The following PCGF5 variants were observed in gnomAD, a reference collection of about 807,000 sequenced individuals.
PCGF5 encodes the protein polycomb group ring finger 5.
A neutral mutation model predicts 44.3 loss-of-function variants in PCGF5; 9 were observed. The observed-to-expected ratio is 0.20, with a 90% CI of 0.12 to 0.35. The LOEUF (loss-of-function observed/expected upper bound fraction) is 0.35, where lower values mean the gene tolerates loss of function less well. PCGF5 is among the 10% of genes least tolerant of loss of function. The pLI is 1.00. For synonymous variants in PCGF5, 95 were observed against 102.5 expected (o/e 0.93, Z 0.44); for missense variants, 146 against 305.3 (o/e 0.48, Z 3.89).
chr10:91,206,160 C>G (rs1204812643), intron 1 of PCGF5, among the ~76,000 whole-genome samples: 1 of 152,044 alleles, frequency 6.6e-6, no homozygotes, highest in African/African-American at 2.4e-5. Flanking sequence ...TACTATGTGC[C>G]AAAGTCTGTG....
chr10:91,174,692 GTATC>G (rs1843671041), intron 1 of PCGF5, among the ~76,000 whole-genome samples: 2 of 152,292 alleles, frequency 1.3e-5, no homozygotes, highest in South Asian at 2.1e-4. Context: ...AATTGGGAAA[GTATC>G]TTATCTAATC....
chr10:91,195,442 GTATATA>G (rs1844110999), intron 1 of PCGF5, among the ~76,000 whole-genome samples: 1 of 142,728 alleles, frequency 7.0e-6, no homozygotes, highest in African/African-American at 2.8e-5. Context: ...TAAATCATAT[GTATATA>G]TATGCATATA....
chr10:91,235,710 G>C (rs1475219452), intron 2 of PCGF5, among the ~76,000 whole-genome samples: 1 of 152,156 alleles, frequency 6.6e-6, no homozygotes, highest in Non-Finnish European at 1.5e-5. Context: ...TTTCTCAATA[G>C]TGAATAAGTC....
At position 91,229,255 on chromosome 10, in the gene PCGF5, G is replaced by A. The variant is rs144933226; in HGVS notation, c.112+6272G>A. ...GCAATAAATAGAACAGGCATAGTCT[G>A]TGCCCTCCTAGAACTTAACATTCTA... On this transcript the variant is annotated intron_variant, in intron 2 of 9. Coordinates refer to ENST00000336126, the MANE Select transcript of PCGF5 (RefSeq NM_032373.5). Among the ~76,000 whole-genome samples, 974 of 152,286 alleles carry A rather than the reference G, an allele frequency of 6.4e-3. 10 individuals carry two copies. Among genetic ancestry groups the A allele is most frequent in the African/African-American group, 0.022 (914 of 41,564 alleles).
intron 1 of PCGF5, among the ~76,000 whole-genome samples, chr10:91,179,599 G>A (rs3962086): frequency 0.36 from 54,788 of 152,032 alleles, 10,690 homozygotes; most frequent in East Asian, 0.52. Context: ...AACATGTGGC[G>A]TTTGGTATTC....
chr10:91,235,766 C>G (rs1845144197), intron 2 of PCGF5, among the ~76,000 whole-genome samples: 1 of 152,200 alleles, frequency 6.6e-6, no homozygotes, highest in Admixed American at 6.5e-5. Flanking sequence ...CTTGCACAAA[C>G]TCTCTTTTTG....
At chr10:91,238,886 C>T (rs1321427288) in intron 2 of PCGF5, among the ~76,000 whole-genome samples, 1 of 151,788 alleles carries the variant, frequency 6.6e-6, no homozygotes, top group Non-Finnish European at 1.5e-5. Flanking sequence ...TAAGCTTTTT[C>T]TTTTTTTAAG....
At chr10:91,171,949 T>A (rs1843615364) in intron 1 of PCGF5, among the ~76,000 whole-genome samples, 1 of 152,220 alleles carries the variant, frequency 6.6e-6, no homozygotes, top group Non-Finnish European at 1.5e-5. Flanking sequence ...AAAGCTTTTC[T>A]GAGCATTTAT....
upstream of PCGF5, among the ~76,000 whole-genome samples, chr10:91,158,762 G>A (rs1202056186): frequency 6.6e-6 from 1 of 152,116 alleles, no homozygotes; most frequent in African/African-American, 2.4e-5. Context: ...ATCCCCCTAA[G>A]GAACTACTAA....
At chr10:91,240,909 TAGAA>T (rs1207168314) in intron 3 of PCGF5, among the ~76,000 whole-genome samples, 12 of 151,762 alleles carry the variant, frequency 7.9e-5, no homozygotes, top group Admixed American at 3.9e-4. Flanking sequence ...GGAGAACTCA[TAGAA>T]AGACTAATAT....
intron 1 of PCGF5, among the ~76,000 whole-genome samples, chr10:91,200,201 T>G (rs1844224377): frequency 6.6e-6 from 1 of 152,224 alleles, no homozygotes; most frequent in Non-Finnish European, 1.5e-5. Context: ...TCAAGAAGGC[T>G]GCCTTCAGCA....
chr10:91,248,966 G>A (rs1026432435), intron 5 of PCGF5, among the ~76,000 whole-genome samples: 8 of 152,082 alleles, frequency 5.3e-5, no homozygotes, highest in African/African-American at 1.9e-4. Context: ...AAGAGAAAAG[G>A]GAGATAAAAG....
chr10:91,266,557 A>G (rs1846052097), intron 8 of PCGF5, among the ~76,000 whole-genome samples: 1 of 152,170 alleles, frequency 6.6e-6, no homozygotes, highest in Non-Finnish European at 1.5e-5. Context: ...TAAACCAATA[A>G]ACAGAAAAAT....
intron 2 of PCGF5, among the ~76,000 whole-genome samples, chr10:91,239,776 TG>T (rs544259650): frequency 1.5e-3 from 224 of 152,354 alleles, no homozygotes; most frequent in African/African-American, 5.1e-3. Context: ...AAATGTGGGC[TG>T]TATAGGCTTG....
intron 9 of PCGF5, among the ~76,000 whole-genome samples, chr10:91,274,931 C>T (rs1267637492): frequency 1.3e-5 from 2 of 151,980 alleles, no homozygotes; most frequent in Admixed American, 1.3e-4. Context: ...TTCTACCTCA[C>T]ATTTTATATC....
At chr10:91,246,961 A>AGATG (rs1264043318) in intron 3 of PCGF5, among the ~76,000 whole-genome samples, 2 of 126,934 alleles carry the variant, frequency 1.6e-5, no homozygotes, top group Non-Finnish European at 3.3e-5. Flanking sequence ...ATAGATGGAT[A>AGATG]GATGGATAGA....
At chr10:91,233,698 C>T (rs977316514) in intron 2 of PCGF5, among the ~76,000 whole-genome samples, 1 of 152,134 alleles carries the variant, frequency 6.6e-6, no homozygotes, top group Non-Finnish European at 1.5e-5. Context: ...AAACTGATGC[C>T]TCTTCTCTTT....
In PCGF5 at chr10:91,240,536, G is replaced by T. The variant is rs768541378; in HGVS notation, c.165G>T (p.Arg55Ser). ...TTGAAGATAGCAATGATTGCCCAAGGTGTGGCAACCAAGTTCATGAGACAA... is the reference window on the plus strand; with the variant it reads ...TTGAAGATAGCAATGATTGCCCAAGTTGTGGCAACCAAGTTCATGAGACAA... ...QHFEDSNDCP[R>S]CGNQVHETNP... Residue 55 changes from arginine to serine, a missense_variant, in exon 3 of 10, where the codon AGG becomes AGT. Arg to Ser is a moderately radical substitution (Grantham distance 110, BLOSUM62 -1). This residue lies in a region of PCGF5 where 123 missense variants were observed against 268.6 expected (regional missense o/e 0.46). Transcript: ENST00000336126. The T allele has an allele frequency of 2.5e-6, 4 of 1,611,914 alleles. No individual in the cohort carries two copies. Among genetic ancestry groups the T allele is most frequent in the Non-Finnish European group, 8.5e-7 (1 of 1,178,794 alleles).
upstream of PCGF5, among the ~76,000 whole-genome samples, chr10:91,159,250 AT>A (rs144034815): frequency 1.2e-4 from 18 of 151,534 alleles, no homozygotes; most frequent in Middle Eastern, 3.2e-3. Flanking sequence ...GGAAGTCATA[AT>A]TTTTTTTTGC....
Sources: gnomAD v4.1 joint callset for allele counts (sites outside exome capture counted in the v4.1 genomes callset) on GRCh38, gnomAD v4.1.1 for gene constraint, gnomAD v4.1.1 regional missense constraint, MANE v1.5 for transcripts, NCBI Gene and HGNC (gene_info 2026-07-23, HGNC 2026-07-21) for gene names.